GNAQ: variants seen among roughly 807,000 people sequenced by gnomAD.
GNAQ encodes the protein guanine nucleotide-binding protein G(q) subunit alpha.
GNAQ carries 8 observed loss-of-function variants against 43.9 expected under a neutral mutation model. The ratio of observed to expected loss-of-function variants is 0.18; its 90% CI spans 0.11 to 0.33. GNAQ has a LOEUF of 0.33. Among genes scored for constraint, GNAQ ranks in the 10% least tolerant of loss-of-function variants. The pLI is 1.00. For synonymous variants in GNAQ, 155 were observed against 170.7 expected, an observed-to-expected ratio of 0.91 and a Z score of 0.71; for missense variants, 158 against 450.8, an observed-to-expected ratio of 0.35 and a Z score of 5.88.
intron 5 of GNAQ, among the ~76,000 whole-genome samples, chr9:77,768,326 A>G (rs915963623): frequency 2.6e-5 from 4 of 152,230 alleles, no homozygotes; most frequent in Non-Finnish European, 5.9e-5. Flanking sequence ...CAACTGTAAA[A>G]GATGACTGAA....
At chr9:77,997,933 G>A (rs1823595209) in intron 1 of GNAQ, among the ~76,000 whole-genome samples, 1 of 152,144 alleles carries the variant, frequency 6.6e-6, no homozygotes, top group Non-Finnish European at 1.5e-5. Flanking sequence ...CAGGTGCCTT[G>A]GGCCAAGGAG....
intron 1 of GNAQ, among the ~76,000 whole-genome samples, chr9:77,996,429 C>T (rs1406852955): frequency 6.6e-6 from 1 of 151,978 alleles, no homozygotes; most frequent in African/African-American, 2.4e-5. Flanking sequence ...CCTGTAATCC[C>T]AGCACTTTGG....
intron 3 of GNAQ, among the ~76,000 whole-genome samples, chr9:77,813,691 G>A (rs541244573): frequency 8.2e-4 from 125 of 152,260 alleles, no homozygotes; most frequent in Middle Eastern, 3.4e-3. Flanking sequence ...AGGGGGAGAC[G>A]TAACCCTAGT....
At chr9:77,979,366 AAAATT>A (rs1400366691) in intron 1 of GNAQ, among the ~76,000 whole-genome samples, 1 of 151,552 alleles carries the variant, frequency 6.6e-6, no homozygotes, top group Non-Finnish European at 1.5e-5. Flanking sequence ...CAAAAAAAAA[AAAATT>A]AAATTAAATT....
intron 1 of GNAQ, among the ~76,000 whole-genome samples, chr9:77,966,179 G>A (rs539054644): frequency 6.6e-6 from 1 of 152,064 alleles, no homozygotes; most frequent in Non-Finnish European, 1.5e-5. Context: ...ATAGGTGGGA[G>A]GGAGGATAAA....
chr9:77,955,650 A>G (rs1268553345), intron 1 of GNAQ, among the ~76,000 whole-genome samples: 6 of 152,350 alleles, frequency 3.9e-5, no homozygotes, highest in Middle Eastern at 3.4e-3. Context: ...ATATGAAAAG[A>G]TCAAAATAGG....
At chr9:77,900,891 T>C (rs1828597945) in intron 2 of GNAQ, among the ~76,000 whole-genome samples, 1 of 152,158 alleles carries the variant, frequency 6.6e-6, no homozygotes, top group African/African-American at 2.4e-5. Context: ...AAGCAATGAG[T>C]GTCCTGCTTC....
intron 5 of GNAQ, among the ~76,000 whole-genome samples, chr9:77,779,190 T>A (rs1192559898): frequency 6.6e-6 from 1 of 151,486 alleles, no homozygotes; most frequent in Non-Finnish European, 1.5e-5. Context: ...CCTTAACAAA[T>A]TTAAAAGAAT....
chr9:77,990,926 C>A (rs1466305042), intron 1 of GNAQ, among the ~76,000 whole-genome samples: 1 of 152,180 alleles, frequency 6.6e-6, no homozygotes, highest in Non-Finnish European at 1.5e-5. Context: ...CTTATTTATA[C>A]ATACGAAAGA....
chr9:77,846,944 C>G (rs1827595807), intron 2 of GNAQ, among the ~76,000 whole-genome samples: 1 of 152,096 alleles, frequency 6.6e-6, no homozygotes, highest in African/African-American at 2.4e-5. Flanking sequence ...AGACTTTTGC[C>G]CCTGGGACCC....
At chr9:77,960,806 A>AT (rs1422172641) in intron 1 of GNAQ, among the ~76,000 whole-genome samples, 3 of 152,230 alleles carry the variant, frequency 2.0e-5, no homozygotes, top group African/African-American at 4.8e-5. Flanking sequence ...ACACTAGAAT[A>AT]AACAGAAAAA....
chr9:77,881,423 T>C (rs72736527), intron 2 of GNAQ, among the ~76,000 whole-genome samples: 13 of 152,320 alleles, frequency 8.5e-5, no homozygotes, highest in Non-Finnish European at 1.6e-4. Context: ...CTGTTGTCCA[T>C]ACTGGAGTAC....
intron 2 of GNAQ, among the ~76,000 whole-genome samples, chr9:77,894,610 A>G (rs1356336591): frequency 6.7e-6 from 1 of 150,324 alleles, no homozygotes; most frequent in East Asian, 2.0e-4. Flanking sequence ...TTTAGTAGAG[A>G]CAAGGTTTCA....
At chr9:77,788,002 G>A (rs1380117088) in intron 5 of GNAQ, among the ~76,000 whole-genome samples, 1 of 152,150 alleles carries the variant, frequency 6.6e-6, no homozygotes, top group Non-Finnish European at 1.5e-5. Context: ...CCGCACTCCA[G>A]CCTGGGCAAC....
chr9:77,913,348 A>G (rs1229240149), intron 2 of GNAQ, among the ~76,000 whole-genome samples: 1 of 150,908 alleles, frequency 6.6e-6, no homozygotes, highest in Non-Finnish European at 1.5e-5. Flanking sequence ...AAAATGTCAT[A>G]CAACTGTACT....
At chr9:78,010,336 T>A (rs1320227888) in intron 1 of GNAQ, among the ~76,000 whole-genome samples, 1 of 152,138 alleles carries the variant, frequency 6.6e-6, no homozygotes, top group Non-Finnish European at 1.5e-5. Context: ...TCCCCAGGAA[T>A]AGAATCTGAA....
At position 77,917,844 on chromosome 9, in the gene GNAQ, G is replaced by A. The variant is rs74903209; in HGVS notation, c.321+4317C>T. On this transcript the variant is annotated intron_variant, in intron 2 of 6. Transcript: ENST00000286548. Reference sequence around the variant, plus strand: ...AGCAGCTCACCTATAAACAGTGCTTGTTTGGCAAAAAGTACAAGAACAGGA... The same window carrying A: ...AGCAGCTCACCTATAAACAGTGCTTATTTGGCAAAAAGTACAAGAACAGGA... 6.9e-3 allele frequency among the ~76,000 whole-genome samples: 1,056 copies of A among 152,310 alleles called. 18 individuals are homozygous for A. Among genetic ancestry groups the A allele is most frequent in the African/African-American group, 0.024 (980 of 41,576 alleles).
At chr9:77,955,476 A>T (rs1253610025) in intron 1 of GNAQ, among the ~76,000 whole-genome samples, 2 of 152,196 alleles carry the variant, frequency 1.3e-5, no homozygotes. Flanking sequence ...CATGAAAGAA[A>T]ATAGGAAAGT....
intron 1 of GNAQ, among the ~76,000 whole-genome samples, chr9:78,003,447 T>C (rs1224427659): frequency 2.6e-5 from 4 of 152,340 alleles, no homozygotes; most frequent in South Asian, 4.1e-4. Context: ...AGGCCACTGA[T>C]ACCTTCAGAG....
Sources: gnomAD v4.1 joint callset for allele counts (sites outside exome capture counted in the v4.1 genomes callset) on GRCh38, gnomAD v4.1.1 for gene constraint, MANE v1.5 for transcripts, NCBI Gene and HGNC (gene_info 2026-07-23, HGNC 2026-07-21) for gene names.